Variants in CSMD1 observed in about 807,000 individuals in gnomAD.
CSMD1 encodes the protein CUB and sushi domain-containing protein 1.
A neutral mutation model predicts 417.5 loss-of-function variants in CSMD1; 213 were observed. The ratio of observed to expected loss-of-function variants is 0.51; its 90% CI spans 0.46 to 0.57. CSMD1 has a LOEUF of 0.57. Among genes scored for constraint, CSMD1 ranks in the 20% least tolerant of loss-of-function variants. CSMD1 has a pLI of 0.00. For synonymous variants in CSMD1, 2,862 were observed against 1,736.8 expected (o/e 1.65, Z -16.11); for missense variants, 6,923 against 4,529.7 (o/e 1.53, Z -15.17).
chr8:3,344,349 G>A (rs1807849957), intron 22 of CSMD1, among the ~76,000 whole-genome samples: 1 of 152,154 alleles, frequency 6.6e-6, no homozygotes, highest in Admixed American at 6.5e-5. Context: ...TGCATGCGGG[G>A]CTTAAAACCT....
chr8:4,626,022 C>T (rs117223732), intron 2 of CSMD1, among the ~76,000 whole-genome samples: 2,914 of 152,216 alleles, frequency 0.019, 54 homozygotes, highest in Non-Finnish European at 0.03. Context: ...CCATGCTTGG[C>T]CAACCTTGAT....
At chr8:4,060,533 G>A (rs1013144247) in intron 3 of CSMD1, among the ~76,000 whole-genome samples, 10 of 152,162 alleles carry the variant, frequency 6.6e-5, no homozygotes, top group South Asian at 4.1e-4. Flanking sequence ...GTCGGAGAAG[G>A]AGTGTGGCCT....
At chr8:3,279,268 T>G (rs1321765711) in intron 26 of CSMD1, 1 of 152,180 alleles carries the variant, frequency 6.6e-6, no homozygotes, top group Non-Finnish European at 1.5e-5. Flanking sequence ...CAGGACCATG[T>G]CCCTCTCTGG....
chr8:4,512,807 G>C (rs551707020), intron 2 of CSMD1, among the ~76,000 whole-genome samples: 4 of 143,284 alleles, frequency 2.8e-5, no homozygotes, highest in South Asian at 4.8e-4. Flanking sequence ...GATAGCCCAT[G>C]TTCATGGATT....
chr8:3,583,444 T>C (rs1360849026), intron 9 of CSMD1, among the ~76,000 whole-genome samples: 1 of 151,938 alleles, frequency 6.6e-6, no homozygotes, highest in Non-Finnish European at 1.5e-5. Context: ...GAGCTAGAGA[T>C]ATTCCTGGAA....
intron 23 of CSMD1, among the ~76,000 whole-genome samples, chr8:3,320,919 G>A (rs548587839): frequency 6.6e-6 from 1 of 152,142 alleles, no homozygotes; most frequent in Non-Finnish European, 1.5e-5. Flanking sequence ...ACCGTAAAGC[G>A]TTCAGTAGCA....
chr8:4,776,285 A>G (rs1214199590), intron 1 of CSMD1, among the ~76,000 whole-genome samples: 2 of 152,180 alleles, frequency 1.3e-5, no homozygotes, highest in Non-Finnish European at 2.9e-5. Context: ...TTAAACTAGC[A>G]GCATGTATAT....
intron 1 of CSMD1, among the ~76,000 whole-genome samples, chr8:4,684,804 G>C (rs1034998939): frequency 2.4e-4 from 37 of 152,218 alleles, no homozygotes; most frequent in African/African-American, 8.2e-4. Flanking sequence ...ATTGAGAACA[G>C]TAAGTAAAAA....
chr8:3,087,234 C>T lies in CSMD1; in HGVS notation c.7337G>A (p.Arg2446Lys), dbSNP rs750516265. 3.7e-6 allele frequency: 6 copies of T among 1,614,010 alleles called. No homozygotes were observed. The highest frequency in any genetic ancestry group is 5.1e-6 in the Non-Finnish European group (6 of 1,179,888). ...TTTGCTTCCAACCGCTCCTGCAGTCCTGTTTAGAATACCCCCATTCTTCAG... is the reference window on the plus strand; with the variant it reads ...TTTGCTTCCAACCGCTCCTGCAGTCTTGTTTAGAATACCCCCATTCTTCAG... ...HPLKNGGILNRTAGAVGSKVH... is the reference protein window; with the variant it reads ...HPLKNGGILNKTAGAVGSKVH... Residue 2446 changes from arginine (R) to lysine (K), a missense_variant, in exon 49 of 70, where the codon AGG (arginine) becomes AAG (lysine). Coordinates refer to ENST00000635120, the MANE Select transcript of CSMD1 (RefSeq NM_033225.6).
chr8:3,402,405 T>C (rs1244987444), intron 15 of CSMD1, among the ~76,000 whole-genome samples: 1 of 152,222 alleles, frequency 6.6e-6, no homozygotes, highest in Non-Finnish European at 1.5e-5. Flanking sequence ...TGTTTTCATG[T>C]ATAGTCATTT....
intron 3 of CSMD1, among the ~76,000 whole-genome samples, chr8:4,195,013 A>G (rs1299315459): frequency 6.6e-6 from 1 of 152,206 alleles, no homozygotes; most frequent in Non-Finnish European, 1.5e-5. Context: ...ATCTCTTCAC[A>G]TTGTAACTTT....
chr8:4,449,300 G>C (rs751546308), intron 2 of CSMD1, among the ~76,000 whole-genome samples: 3 of 152,192 alleles, frequency 2.0e-5, no homozygotes, highest in Non-Finnish European at 4.4e-5. Context: ...ACCAGGAGCA[G>C]ATGAAAAGAC....
intron 10 of CSMD1, among the ~76,000 whole-genome samples, chr8:3,522,151 G>C (rs970409742): frequency 6.6e-6 from 1 of 152,090 alleles, no homozygotes; most frequent in Non-Finnish European, 1.5e-5. Context: ...TGACTGCAAA[G>C]TCAAATTATT....
intron 5 of CSMD1, among the ~76,000 whole-genome samples, chr8:3,795,041 A>G (rs1280349292): frequency 6.6e-6 from 1 of 151,290 alleles, no homozygotes; most frequent in African/African-American, 2.4e-5. Context: ...ATAGATACAT[A>G]TCTATCATGT....
intron 3 of CSMD1, among the ~76,000 whole-genome samples, chr8:4,313,480 G>A (rs371816940): frequency 7.1e-6 from 1 of 141,290 alleles, no homozygotes. Flanking sequence ...AACCCGAAGA[G>A]CTCCCAAAGG....
chr8:4,045,423 A>T (rs1798100348), intron 3 of CSMD1, among the ~76,000 whole-genome samples: 2 of 152,226 alleles, frequency 1.3e-5, no homozygotes, highest in Admixed American at 1.3e-4. Flanking sequence ...AAGTGGCCAC[A>T]GCAGTAGAAA....
intron 34 of CSMD1, 147 bp downstream of exon 34, chr8:3,189,765 T>C: frequency 1.5e-6 from 1 of 655,928 alleles, no homozygotes; most frequent in East Asian, 2.7e-5. Context: ...GTTTGGCTAC[T>C]AACTCAATTA....
chr8:4,259,006 G>A (rs1396990698), intron 3 of CSMD1, among the ~76,000 whole-genome samples: 1 of 152,192 alleles, frequency 6.6e-6, no homozygotes, highest in Non-Finnish European at 1.5e-5. Context: ...CTGCAGAAGA[G>A]ACGTTTGTTG....
chr8:3,671,023 G>GATATATATGTATGGGAT (rs143306623), intron 7 of CSMD1, among the ~76,000 whole-genome samples: 1 of 102,466 alleles, frequency 9.8e-6, no homozygotes, highest in Non-Finnish European at 2.0e-5. Flanking sequence ...ATGTATATGG[G>GATATATATGTATGGGAT]ATATATGCAT....
Sources: gnomAD v4.1 joint callset for allele counts (sites outside exome capture counted in the v4.1 genomes callset) on GRCh38, gnomAD v4.1.1 for gene constraint, MANE v1.5 for transcripts, NCBI Gene and HGNC (gene_info 2026-07-23, HGNC 2026-07-21) for gene names.